ZNRF3: variants seen among roughly 807,000 people sequenced by gnomAD.
The protein encoded by ZNRF3 is E3 ubiquitin-protein ligase ZNRF3.
ZNRF3 carries 23 observed loss-of-function variants against 72.5 expected under a neutral mutation model. The observed-to-expected ratio is 0.32, with a 90% CI of 0.23 to 0.45. The LOEUF (loss-of-function observed/expected upper bound fraction) is 0.45. Among genes scored for constraint, ZNRF3 ranks in the 20% least tolerant of loss-of-function variants. The pLI is 1.00. For synonymous variants in ZNRF3, 610 were observed against 545.3 expected (o/e 1.12, Z -1.65); for missense variants, 1,169 against 1,272.1 (o/e 0.92, Z 1.23).
At chr22:28,914,634 G>A (rs1184152918) in intron 1 of ZNRF3, among the ~76,000 whole-genome samples, 1 of 151,688 alleles carries the variant, frequency 6.6e-6, no homozygotes, top group Non-Finnish European at 1.5e-5. Context: ...GACCAACATG[G>A]TGAAACCCCG....
chr22:28,884,118 G>A, intron 1 of ZNRF3, 52 bp downstream of exon 1: 2 of 1,072,852 alleles, frequency 1.9e-6, no homozygotes, highest in South Asian at 3.9e-5. Context: ...AGATGGCTCC[G>A]GGGGCTGCGC....
intron 2 of ZNRF3, among the ~76,000 whole-genome samples, chr22:29,012,914 A>G (rs1205998500): frequency 6.6e-6 from 1 of 152,206 alleles, no homozygotes; most frequent in Non-Finnish European, 1.5e-5. Flanking sequence ...GGGCTAAGCT[A>G]CAGACATCAG....
At chr22:28,939,292 A>AC (rs2034897187) in intron 1 of ZNRF3, among the ~76,000 whole-genome samples, 1 of 151,818 alleles carries the variant, frequency 6.6e-6, no homozygotes, top group African/African-American at 2.4e-5. Flanking sequence ...TCAAAAAAAA[A>AC]AAAAAAACAA....
chr22:28,995,856 A>T (rs941683876), intron 2 of ZNRF3, among the ~76,000 whole-genome samples: 14 of 151,740 alleles, frequency 9.2e-5, no homozygotes, highest in African/African-American at 3.4e-4. Flanking sequence ...GCTCACTGCA[A>T]CCTCTGTGCC....
chr22:29,004,893 C>T (rs1308801309), intron 2 of ZNRF3, among the ~76,000 whole-genome samples: 2 of 152,214 alleles, frequency 1.3e-5, no homozygotes, highest in East Asian at 3.8e-4. Context: ...AAGAAGAAAG[C>T]TTCGGGAATG....
In ZNRF3 at chr22:29,044,788, T is replaced by C. The variant is rs765789708; in HGVS notation, c.642T>C (p.Thr214=). 1 of 1,613,606 alleles carries C rather than the reference T, an allele frequency of 6.2e-7. No homozygotes were observed. Among genetic ancestry groups the C allele is most frequent in the Admixed American group, 1.7e-5 (1 of 60,028 alleles). The change falls in exon 5 of 9, where the codon ACT becomes ACC. Residue 214 remains threonine, a synonymous_variant. Transcript: ENST00000544604. ...TCTGTGTTCCGTTCCAGCAACCCACTGAATACTTTGACATGGGGATTTTCC... is the reference window on the plus strand; with the variant it reads ...TCTGTGTTCCGTTCCAGCAACCCACCGAATACTTTGACATGGGGATTTTCC... The part of the protein sequence containing the change: ...RIQHRPPRQP[T]EYFDMGIFLA...
At chr22:28,939,095 GC>G (rs971978643) in intron 1 of ZNRF3, among the ~76,000 whole-genome samples, 5 of 152,084 alleles carry the variant, frequency 3.3e-5, no homozygotes, top group Admixed American at 3.3e-4. Flanking sequence ...GACCAGCCTG[GC>G]CAACATGGCA....
rs1601717082 is a variant in ZNRF3, at chr22:29,050,570, T to A, written c.2389T>A (p.Cys797Ser). Residue 797 changes from cysteine to serine, a missense_variant, in exon 8 of 9, where the codon TGC (cysteine) becomes AGC (serine). Physicochemically the swap from Cys to Ser is moderately radical, Grantham distance 112. Coordinates refer to ENST00000544604, the MANE Select transcript of ZNRF3 (RefSeq NM_001206998.2). ...CCGCGGGGGCGGAGGGGGCAGCGGC[T>A]GCTACACTGAGGACTACTCGGTGAG... ...VARGGGGGSG[C>S]YTEDYSVSVQ... The A allele has an allele frequency of 3.7e-6, 6 of 1,608,930 alleles. No individual in the cohort carries two copies. The African/African-American group carries it at 6.7e-5, about 18-fold the overall frequency.
At chr22:28,917,285 ACACACACAC>A (rs1186666861) in intron 1 of ZNRF3, 2 of 228,532 alleles carry the variant, frequency 8.8e-6, no homozygotes, top group Non-Finnish European at 1.4e-5. Context: ...ACACACACAC[ACACACACAC>A]ACACACACAC....
At position 28,940,067 on chromosome 22, in the gene ZNRF3, A is replaced by G. The variant is rs2034913857; in HGVS notation, c.301-47009A>G. Among the ~76,000 whole-genome samples the G allele has an allele frequency of 2.6e-5, 4 of 152,356 alleles. No homozygotes were observed. In the South Asian group the frequency reaches 8.3e-4, roughly 32 times the overall value. On this transcript the variant is annotated intron_variant, in intron 1 of 8. Transcript: ENST00000544604. ...ACTTAGAAAAGCAGAACAAAACCTC[A>G]GCAGGCCTATGTCTTGTGTAGCCAG...
At chr22:29,033,220 G>A (rs1162783132) in intron 2 of ZNRF3, among the ~76,000 whole-genome samples, 1 of 152,050 alleles carries the variant, frequency 6.6e-6, no homozygotes, top group Non-Finnish European at 1.5e-5. Context: ...GCATGATGGT[G>A]CACACCTGTA....
Position 28,884,070 on chromosome 22 carries a change from G to A in ZNRF3, c.300+4G>A. On this transcript the variant is annotated splice_donor_region_variant and intron_variant, in intron 1 of 8. Transcript: ENST00000544604. Reference sequence around the variant, plus strand: ...CGCCGAGGGCGAGATCGTGCAGGTAGCTGCCCGCCGCCCGGGCCCCGCGCC... The same window carrying A: ...CGCCGAGGGCGAGATCGTGCAGGTAACTGCCCGCCGCCCGGGCCCCGCGCC... 1 of 1,226,664 alleles carries A rather than the reference G, an allele frequency of 8.2e-7. No individual in the cohort carries two copies. 76.0% of individuals were successfully genotyped at this position (1,226,664 alleles called of 1,614,324 possible).
chr22:28,941,950 T>C (rs543296707), intron 1 of ZNRF3, among the ~76,000 whole-genome samples: 93 of 152,216 alleles, frequency 6.1e-4, no homozygotes, highest in Middle Eastern at 3.4e-3. Context: ...AGCTAAACTC[T>C]GTCTCAAAAA....
intron 2 of ZNRF3, among the ~76,000 whole-genome samples, chr22:29,004,585 A>G (rs942920557): frequency 3.3e-5 from 5 of 152,214 alleles, no homozygotes; most frequent in Non-Finnish European, 7.3e-5. Flanking sequence ...AGCTCTGACC[A>G]GCTAGTGGCA....
At chr22:28,952,326 C>T (rs2035178248) in intron 1 of ZNRF3, among the ~76,000 whole-genome samples, 1 of 152,224 alleles carries the variant, frequency 6.6e-6, no homozygotes, top group Admixed American at 6.5e-5. Context: ...GCCCTCCCTT[C>T]TGGACGGGTG....
intron 2 of ZNRF3, among the ~76,000 whole-genome samples, chr22:29,006,265 G>A (rs930577351): frequency 3.4e-4 from 42 of 125,200 alleles, no homozygotes; most frequent in Non-Finnish European, 1.4e-4. Context: ...CCAGGCTACC[G>A]TGCAATGGCA....
At chr22:29,006,715 CT>C (rs1485517664) in intron 2 of ZNRF3, among the ~76,000 whole-genome samples, 17 of 152,112 alleles carry the variant, frequency 1.1e-4, no homozygotes, top group Non-Finnish European at 4.4e-5. Context: ...TAAAGTGCAC[CT>C]ATTTGGTATT....
At chr22:29,003,107 G>A (rs1234689590) in intron 2 of ZNRF3, among the ~76,000 whole-genome samples, 1 of 152,164 alleles carries the variant, frequency 6.6e-6, no homozygotes, top group Non-Finnish European at 1.5e-5. Flanking sequence ...CAGATATAAT[G>A]CAATTGGCTT....
chr22:28,989,413 T>C (rs1216823722), intron 2 of ZNRF3, among the ~76,000 whole-genome samples: 1 of 152,178 alleles, frequency 6.6e-6, no homozygotes, highest in Non-Finnish European at 1.5e-5. Context: ...AGTGTGGTTG[T>C]TCTCAGTCTC....
Sources: allele counts gnomAD v4.1 joint callset (sites outside exome capture counted in the v4.1 genomes callset), GRCh38; gene constraint gnomAD v4.1.1; transcripts MANE v1.5; gene names NCBI Gene and HGNC (gene_info 2026-07-23, HGNC 2026-07-21).